UVSSA: variants seen among roughly 807,000 people sequenced by gnomAD.
UVSSA encodes the protein UV stimulated scaffold protein A, also known as UV-stimulated scaffold protein A.
Under a neutral mutation model 73.9 loss-of-function variants are expected in UVSSA, and 72 were observed. The observed-to-expected ratio is 0.97, with a 90% confidence interval of 0.81 to 1.19. The LOEUF (loss-of-function observed/expected upper bound fraction) is 1.19, where lower values mean the gene tolerates loss of function less well. UVSSA is among the 50% of genes most tolerant of loss of function. The pLI is 0.00. For missense variants in UVSSA, 1,150 were observed against 965.0 expected, an observed-to-expected ratio of 1.19 and a Z score of -2.54; for synonymous variants, 454 against 391.3, an observed-to-expected ratio of 1.16 and a Z score of -1.89.
In UVSSA at chr4:1,348,082, A is replaced by G. The variant is rs1263141224; in HGVS notation, c.-2-8A>G. 1.2e-5 allele frequency: 20 copies of G among 1,606,030 alleles called. No homozygotes were observed. The highest frequency in any genetic ancestry group is 1.6e-5 in the Non-Finnish European group (19 of 1,173,004). On this transcript the variant is annotated splice_polypyrimidine_tract_variant and splice_region_variant and intron_variant, in intron 1 of 13. Transcript: ENST00000389851. ...GTGATATAGCATCTCTGCCTTACTT[A>G]TTTCTAGATATGGATCAGAAACTTT...
At chr4:1,370,228 C>T (rs1286765939) in intron 8 of UVSSA, among the ~76,000 whole-genome samples, 1 of 152,216 alleles carries the variant, frequency 6.6e-6, no homozygotes, top group Non-Finnish European at 1.5e-5. Flanking sequence ...GTTCACTTGT[C>T]AGTCTTGCCT....
At chr4:1,361,892 A>G (rs993371733) in intron 7 of UVSSA, among the ~76,000 whole-genome samples, 9 of 151,504 alleles carry the variant, frequency 5.9e-5, no homozygotes, top group African/African-American at 1.2e-4. Context: ...ACAGACACAC[A>G]TAAAACTGAA....
chr4:1,380,871 G>A lies in UVSSA; in HGVS notation c.1753-9G>A, dbSNP rs370703440. On this transcript the variant is annotated splice_polypyrimidine_tract_variant and intron_variant, in intron 11 of 13. Transcript: ENST00000389851. ...CCCCGCCATCAGCCACCGTGTCCTC[G>A]CTGTGCAGTGCCCTTTCCATGGGAA... 7 of 1,611,410 alleles carry A rather than the reference G, an allele frequency of 4.3e-6. No homozygotes were observed. The highest frequency in any genetic ancestry group is 3.3e-5 in the Admixed American group (2 of 59,932).
At chr4:1,360,156 AC>A (rs1716413000) in intron 7 of UVSSA, among the ~76,000 whole-genome samples, 1 of 152,196 alleles carries the variant, frequency 6.6e-6, no homozygotes, top group Non-Finnish European at 1.5e-5. Flanking sequence ...TGTGTGCGCC[AC>A]CGCATCCCAA....
exon 14 of UVSSA, chr4:1,395,936 T>C: frequency 6.5e-7 from 1 of 1,540,986 alleles, no homozygotes; most frequent in Non-Finnish European, 8.7e-7. Context: ...GTGCTTTTCG[T>C]ATCAGACCTT....
chr4:1,354,304 C>G (rs1330015432), intron 5 of UVSSA, among the ~76,000 whole-genome samples: 1 of 148,830 alleles, frequency 6.7e-6, no homozygotes, highest in African/African-American at 2.5e-5. Flanking sequence ...CAGGGCAGAA[C>G]TGGAGTTGGG....
At chr4:1,355,078 C>A in intron 6 of UVSSA, 39 bp from the exon 7 acceptor site, 3 of 1,606,080 alleles carry the variant, frequency 1.9e-6, no homozygotes, top group Non-Finnish European at 2.6e-6. Context: ...CAGGTCCTGC[C>A]CGGCCGGCCC....
chr4:1,379,621 G>A (rs1453915653), intron 10 of UVSSA, among the ~76,000 whole-genome samples: 1 of 152,204 alleles, frequency 6.6e-6, no homozygotes, highest in African/African-American at 2.4e-5. Context: ...TCCCTGCAGT[G>A]GAAGGACGAC....
At chr4:1,366,046 G>T in intron 7 of UVSSA, 1 of 258,782 alleles carries the variant, frequency 3.9e-6, no homozygotes, top group African/African-American at 2.2e-5. Flanking sequence ...CCTCCCACAG[G>T]GACCTGGGGA....
exon 14 of UVSSA, chr4:1,395,138 C>G: frequency 7.7e-7 from 1 of 1,295,088 alleles, no homozygotes; most frequent in Non-Finnish European, 1.1e-6. Context: ...GAGTGCCTGC[C>G]TGCTCACACG....
chr4:1,377,329 AG>A (rs1392954159), intron 10 of UVSSA, among the ~76,000 whole-genome samples: 1 of 152,122 alleles, frequency 6.6e-6, no homozygotes, highest in Non-Finnish European at 1.5e-5. Flanking sequence ...ACACGAGAGC[AG>A]GATGGTAAGC....
chr4:1,356,397 G>A (rs1283074030), intron 7 of UVSSA, among the ~76,000 whole-genome samples: 2 of 152,170 alleles, frequency 1.3e-5, no homozygotes, highest in Non-Finnish European at 2.9e-5. Context: ...AGCAGAGGGC[G>A]AGCTTGCTTT....
chr4:1,349,013 C>T (rs574199084), intron 2 of UVSSA, among the ~76,000 whole-genome samples: 4 of 137,440 alleles, frequency 2.9e-5, no homozygotes, highest in African/African-American at 1.1e-4. Context: ...TTGTGCCGGG[C>T]GGTGTGCGGT....
Position 1,383,025 on chromosome 4 carries a change from A to T in UVSSA, c.1862-741A>T, listed in dbSNP as rs558086793. Among the ~76,000 whole-genome samples, 3 of 152,326 alleles carry T rather than the reference A, an allele frequency of 2.0e-5. No individual in the cohort carries two copies. In the South Asian group the frequency reaches 6.2e-4, roughly 32 times the overall value. On this transcript the variant is annotated intron_variant, in intron 12 of 13. Coordinates refer to ENST00000389851, the MANE Select transcript of UVSSA (RefSeq NM_020894.4). ...CTCCGCCTTGTGTGGGGAACCCCAC[A>T]GGAAGCCTGGGCCTGTGACCCCCGA...
At chr4:1,353,949 C>T (rs1715225668) in intron 5 of UVSSA, among the ~76,000 whole-genome samples, 1 of 152,226 alleles carries the variant, frequency 6.6e-6, no homozygotes, top group South Asian at 2.1e-4. Flanking sequence ...CGCCCCCGCC[C>T]CCCAGCCCCA....
At chr4:1,375,280 G>T (rs1718618109) in intron 8 of UVSSA, 84 bp from the exon 9 acceptor site, 9 of 1,575,892 alleles carry the variant, frequency 5.7e-6, no homozygotes, top group Non-Finnish European at 7.8e-6. Context: ...TAACGCATAG[G>T]CGCGTCCTAA....
intron 5 of UVSSA, among the ~76,000 whole-genome samples, chr4:1,353,705 G>A (rs571133677): frequency 1.3e-5 from 2 of 152,314 alleles, no homozygotes; most frequent in South Asian, 2.1e-4. Flanking sequence ...AGGTGGGGTC[G>A]TGAGGCTGTT....
At chr4:1,378,199 C>T (rs1466577372) in intron 10 of UVSSA, among the ~76,000 whole-genome samples, 1 of 152,160 alleles carries the variant, frequency 6.6e-6, no homozygotes, top group Admixed American at 6.5e-5. Flanking sequence ...GGAGACAGGG[C>T]TGATGGGGGT....
At position 1,376,101 on chromosome 4, in the gene UVSSA, G is replaced by C. The variant is rs769503135; in HGVS notation, c.1501G>C (p.Val501Leu). 6.2e-7 allele frequency: 1 copy of C among 1,606,268 alleles called. No homozygotes were observed. Among genetic ancestry groups the C allele is most frequent in the Non-Finnish European group, 8.5e-7 (1 of 1,176,918 alleles). Residue 501 changes from valine (V) to leucine (L), a missense_variant, in exon 10 of 14, where the codon GTG becomes CTG. Val to Leu is a conservative substitution (Grantham distance 32). Transcript: ENST00000389851. ...KLAAERARAP[V>L]VPYGVDLHYW... The stretch of plus-strand genomic sequence containing the variant: ...GGCAGCAGAGCGGGCCCGGGCGCCT[G>C]TGGTGCCCTACGGCGTGGACCTGCA...
Sources: allele counts gnomAD v4.1 joint callset (sites outside exome capture counted in the v4.1 genomes callset), GRCh38; gene constraint gnomAD v4.1.1; transcripts MANE v1.5; gene names NCBI Gene and HGNC (gene_info 2026-07-23, HGNC 2026-07-21).